The following FBN3 variants were observed in gnomAD, a reference collection of about 807,000 sequenced individuals.
FBN3 encodes fibrillin-3.
In FBN3, 234 loss-of-function variants were observed where a neutral mutation model predicts 330.1. That is an observed-to-expected ratio of 0.71 (90% CI 0.64 to 0.79). FBN3 has a LOEUF of 0.79. FBN3 is among the 30% of genes least tolerant of loss of function. FBN3 has a pLI of 0.00. For synonymous variants in FBN3, 1,458 were observed against 1,517.3 expected, an observed-to-expected ratio of 0.96 and a Z score of 0.91; for missense variants, 3,606 against 3,886.9, an observed-to-expected ratio of 0.93 and a Z score of 1.92.
chr19:8,085,523 G>A lies in FBN3; in HGVS notation c.6927C>T (p.Cys2309=). The change falls in exon 56 of 64, where the codon TGC becomes TGT. Residue 2309 remains cysteine (C), a synonymous_variant. Transcript: ENST00000600128. Reference sequence around the variant, plus strand: ...CCTCACTGCTGCTGGACAGAGACCGGCACATGGTCTGCAGCACCTCGGCAA... The same window carrying A: ...CCTCACTGCTGCTGGACAGAGACCGACACATGGTCTGCAGCACCTCGGCAA... ...PCFAEVLQTM[C]RSLSSSSEAV... is the part of the protein sequence containing the mutation. 1.9e-6 allele frequency: 3 copies of A among 1,594,082 alleles called. No homozygotes were observed. The highest frequency in any genetic ancestry group is 1.7e-6 in the Non-Finnish European group (2 of 1,170,950).
rs953967228 is a variant in FBN3, at chr19:8,085,480, A to G, written c.6970T>C (p.Cys2324Arg). The G allele has an allele frequency of 1.3e-6, 2 of 1,589,488 alleles. No individual in the cohort carries two copies. Among genetic ancestry groups the G allele is most frequent in the Admixed American group, 1.8e-5 (1 of 56,440 alleles). Residue 2324 changes from cysteine to arginine, a missense_variant, in exon 56 of 64, where the codon TGC becomes CGC. Physicochemically the swap from Cys to Arg is radical, Grantham distance 180 (BLOSUM62 -3). Coordinates refer to ENST00000600128, the MANE Select transcript of FBN3 (RefSeq NM_032447.5). ...SSSEAVTRAE[C>R]CCGGGRGWGP... ...CAGCCCCGGCCACCCCCACAGCAGC[A>G]CTCGGCCCTGGTGACAGCCTCACTG... is the stretch of plus-strand genomic sequence containing the variant.
intron 59 of FBN3, among the ~76,000 whole-genome samples, chr19:8,078,784 T>TCG (rs2144606018): frequency 6.8e-6 from 1 of 146,744 alleles, no homozygotes; most frequent in Non-Finnish European, 1.5e-5. Flanking sequence ...ATGTTCTCTC[T>TCG]CTCTCTCTTT....
intron 59 of FBN3, among the ~76,000 whole-genome samples, chr19:8,076,428 G>C (rs2081643720): frequency 1.3e-5 from 2 of 152,092 alleles, no homozygotes; most frequent in Admixed American, 1.3e-4. Context: ...CTGAAGTCAG[G>C]AGTTCGAGAT....
intron 57 of FBN3, among the ~76,000 whole-genome samples, chr19:8,082,009 G>C (rs999032790): frequency 2.0e-5 from 3 of 150,646 alleles, no homozygotes; most frequent in Non-Finnish European, 4.4e-5. Flanking sequence ...CATCACCCAG[G>C]CTGGAATGCG....
At chr19:8,066,730 T>A (rs947625228) in intron 63 of FBN3, among the ~76,000 whole-genome samples, 2 of 151,872 alleles carry the variant, frequency 1.3e-5, no homozygotes. Flanking sequence ...AATACAAAAA[T>A]TAGCTGGGCG....
intron 30 of FBN3, among the ~76,000 whole-genome samples, chr19:8,114,272 T>C (rs542848883): frequency 6.6e-6 from 1 of 152,240 alleles, no homozygotes; most frequent in Non-Finnish European, 1.5e-5. Flanking sequence ...TTTTTTGAGA[T>C]GGAGTCTTGC....
In FBN3 at chr19:8,147,600, C is replaced by T. The variant is rs181722722; in HGVS notation, c.-17-103G>A. Reference sequence around the variant, plus strand: ...AGGGTGGTTGCCAAATGGGGCAGCCCCGGGGCCTCTGGGAGCCCAAGGAGG... The same window carrying T: ...AGGGTGGTTGCCAAATGGGGCAGCCTCGGGGCCTCTGGGAGCCCAAGGAGG... On this transcript the variant is annotated intron_variant, in intron 1 of 63. Coordinates refer to ENST00000600128, the MANE Select transcript of FBN3 (RefSeq NM_032447.5). The T allele has an allele frequency of 8.1e-4, 845 of 1,043,496 alleles. 3 individuals are homozygous for T. The African/African-American group carries it at 0.012, about 15-fold the overall frequency. The allele number at this position is 1,043,496 out of a possible 1,614,324, so 64.6% of individuals were successfully genotyped here.
intron 1 of FBN3, 21 bp from the exon 2 acceptor site, chr19:8,147,518 C>A: frequency 7.0e-7 from 1 of 1,433,372 alleles, no homozygotes; most frequent in South Asian, 1.5e-5. Flanking sequence ...GAAGCAGAGT[C>A]AGCCCTAGAT....
intron 39 of FBN3, 119 bp from the exon 40 acceptor site, chr19:8,102,992 C>T: frequency 1.9e-6 from 2 of 1,045,978 alleles, no homozygotes; most frequent in East Asian, 2.5e-5. Flanking sequence ...CTTGTCCAGG[C>T]ACAGTGGCTC....
At chr19:8,114,799 T>C (rs974090120) in intron 30 of FBN3, among the ~76,000 whole-genome samples, 13 of 151,968 alleles carry the variant, frequency 8.6e-5, no homozygotes, top group Non-Finnish European at 1.2e-4. Context: ...TGGAGTGCAG[T>C]GGCTCGACCT....
At chr19:8,108,546 T>C (rs936698983) in intron 36 of FBN3, among the ~76,000 whole-genome samples, 6 of 152,064 alleles carry the variant, frequency 3.9e-5, no homozygotes, top group Non-Finnish European at 8.8e-5. Context: ...AGATTATTCC[T>C]TCTGATCCAA....
In FBN3 at chr19:8,117,194, C is replaced by G; in HGVS notation, c.3561G>C (p.Leu1187=). The change falls in exon 28 of 64, where the codon CTG becomes CTC. Residue 1187 remains leucine, a synonymous_variant. Transcript: ENST00000600128. ...CTGCACATGCCCTTCCGTCGGGCAT[C>G]AGCGAGTAGCCCTGCCCACAGCTGC... The part of the protein sequence containing the change: ...YRCSCGQGYS[L]MPDGRACADV... The G allele has an allele frequency of 6.2e-7, 1 of 1,614,128 alleles. No homozygotes were observed. The highest frequency in any genetic ancestry group is 8.5e-7 in the Non-Finnish European group (1 of 1,179,992).
At position 8,133,052 on chromosome 19, in the gene FBN3, T is replaced by A; in HGVS notation, c.1646A>T (p.Glu549Val). ...TMCVNGVCLN[E>V]DGSFSCLCKP... ...GCAGAGGCAGGAGAAGCTGCCATCC[T>A]CGTTGAGACACACGCCGTTGACGCA... is the stretch of plus-strand genomic sequence containing the variant. The change falls in exon 14 of 64, where the codon GAG (glutamate) becomes GTG (valine). Residue 549 changes from glutamate (E) to valine (V), a missense_variant. By Grantham distance (121) the Glu-to-Val change is moderately radical (BLOSUM62 -2). Transcript: ENST00000600128. The A allele has an allele frequency of 6.3e-7, 1 of 1,586,902 alleles. No homozygotes were observed. Among genetic ancestry groups the A allele is most frequent in the Non-Finnish European group, 8.6e-7 (1 of 1,168,034 alleles).
At chr19:8,126,220 GCACCCATGA>G in intron 21 of FBN3, 68 bp downstream of exon 21, 2 of 1,486,562 alleles carry the variant, frequency 1.3e-6, no homozygotes, top group Non-Finnish European at 1.8e-6. Flanking sequence ...GCCGGAGGTG[GCACCCATGA>G]GGGTGGTGCG....
At chr19:8,107,173 T>C (rs1785838144) in intron 37 of FBN3, among the ~76,000 whole-genome samples, 1 of 136,496 alleles carries the variant, frequency 7.3e-6, no homozygotes, top group African/African-American at 2.8e-5. Context: ...AGATAAAGGA[T>C]AGTTGGATGG....
At position 8,134,484 on chromosome 19, in the gene FBN3, G is replaced by A. The variant is rs554563665; in HGVS notation, c.1592-1378C>T. On this transcript the variant is annotated intron_variant, in intron 13 of 63. Transcript: ENST00000600128. ...TCCCAGCTACTCAAGTGGCTGAGGCGGGGACATTGCTTGAGCCCCCCAGGG... is the reference window on the plus strand; with the variant it reads ...TCCCAGCTACTCAAGTGGCTGAGGCAGGGACATTGCTTGAGCCCCCCAGGG... 3.9e-5 allele frequency among the ~76,000 whole-genome samples: 6 copies of A among 152,174 alleles called. No individual in the cohort carries two copies. The South Asian group carries it at 6.2e-4, about 16-fold the overall frequency.
At chr19:8,132,447 C>T (rs2083170368) in intron 14 of FBN3, among the ~76,000 whole-genome samples, 1 of 152,110 alleles carries the variant, frequency 6.6e-6, no homozygotes, top group African/African-American at 2.4e-5. Context: ...TCCCAAAGTG[C>T]TGGGATCACA....
In FBN3 at chr19:8,117,467, C is replaced by T. The variant is rs868257331; in HGVS notation, c.3460G>A (p.Val1154Met). 6 of 1,561,474 alleles carry T rather than the reference C, an allele frequency of 3.8e-6. No homozygotes were observed. Among genetic ancestry groups the T allele is most frequent in the Admixed American group, 1.9e-5 (1 of 52,500 alleles). The change falls in exon 27 of 64, where the codon GTG becomes ATG. Residue 1154 changes from valine to methionine, a missense_variant. Coordinates refer to ENST00000600128, the MANE Select transcript of FBN3 (RefSeq NM_032447.5). ...FQSTPDRQGC[V>M]DINECRVQNG... is the part of the protein sequence containing the mutation. ...CAGCAGGTGGGCACAGTCTCACCCA[C>T]GCAGCCCTGGCGGTCAGGTGTGCTC...
In FBN3 at chr19:8,123,557, A is replaced by G; in HGVS notation, c.2989T>C (p.Cys997Arg). 1 of 1,614,234 alleles carries G rather than the reference A, an allele frequency of 6.2e-7. No individual in the cohort carries two copies. Among genetic ancestry groups the G allele is most frequent in the South Asian group, 1.1e-5 (1 of 91,090 alleles). ...VNECKVFPGL[C>R]THGTCRNTVG... ...GTGTTTCTGCAGGTACCGTGCGTGC[A>G]GAGGCCAGGGAACACCTTGCATTCA... The change falls in exon 24 of 64, where the codon TGC (cysteine) becomes CGC (arginine). Residue 997 changes from cysteine (C) to arginine (R), a missense_variant. Cys to Arg is a radical substitution (Grantham distance 180, BLOSUM62 -3). Coordinates refer to ENST00000600128, the MANE Select transcript of FBN3 (RefSeq NM_032447.5).
Sources: allele counts gnomAD v4.1 joint callset (sites outside exome capture counted in the v4.1 genomes callset), GRCh38; gene constraint gnomAD v4.1.1; transcripts MANE v1.5; gene names NCBI Gene and HGNC (gene_info 2026-07-23, HGNC 2026-07-21).